TAOK3: variants seen among roughly 807,000 people sequenced by gnomAD.
TAOK3 encodes TAO kinase 3.
A neutral mutation model predicts 120.4 loss-of-function variants in TAOK3; 40 were observed. The observed-to-expected ratio is 0.33, with a 90% confidence interval of 0.26 to 0.43. The LOEUF (loss-of-function observed/expected upper bound fraction) is 0.43. Among genes scored for constraint, TAOK3 ranks in the 20% least tolerant of loss-of-function variants. TAOK3 has a pLI of 1.00. For missense variants in TAOK3, 821 were observed against 1,112.1 expected (o/e 0.74, Z 3.72); for synonymous variants, 355 against 387.5 (o/e 0.92, Z 0.99).
chr12:118,211,638 G>T, intron 11 of TAOK3, among the ~76,000 whole-genome samples: 1 of 144,732 alleles, frequency 6.9e-6, no homozygotes, highest in African/African-American at 2.5e-5. Flanking sequence ...TTAAAGAGAT[G>T]GTATTTTCAC....
intron 9 of TAOK3, among the ~76,000 whole-genome samples, chr12:118,225,835 C>T (rs1388583598): frequency 1.3e-5 from 2 of 152,138 alleles, no homozygotes; most frequent in Non-Finnish European, 2.9e-5. Flanking sequence ...ATCTGTCCAT[C>T]GCCTCATATA....
At chr12:118,215,644 A>G (rs2038864838) in intron 9 of TAOK3, among the ~76,000 whole-genome samples, 7 of 152,238 alleles carry the variant, frequency 4.6e-5, no homozygotes, top group Admixed American at 2.6e-4. Flanking sequence ...AGAAATGGAA[A>G]GGAGGAAGAG....
At chr12:118,198,063 C>T (rs2037822277) in intron 13 of TAOK3, among the ~76,000 whole-genome samples, 1 of 152,172 alleles carries the variant, frequency 6.6e-6, no homozygotes, top group South Asian at 2.1e-4. Flanking sequence ...TGTCTGACAT[C>T]TTTGCTTTCC....
At chr12:118,204,427 T>C (rs1040443676) in intron 11 of TAOK3, among the ~76,000 whole-genome samples, 2 of 152,120 alleles carry the variant, frequency 1.3e-5, no homozygotes, top group South Asian at 2.1e-4. Flanking sequence ...TAAAAAATAA[T>C]AGGGCCCTTG....
intron 13 of TAOK3, 171 bp downstream of exon 13, chr12:118,198,880 C>G (rs1045722311): frequency 9.3e-6 from 6 of 644,428 alleles, no homozygotes; most frequent in Non-Finnish European, 1.4e-5. Context: ...ACAGATGTAG[C>G]CTGTGTAGTC....
At chr12:118,179,524 C>T (rs1172058028) in intron 15 of TAOK3, among the ~76,000 whole-genome samples, 1 of 152,090 alleles carries the variant, frequency 6.6e-6, no homozygotes, top group Non-Finnish European at 1.5e-5. Context: ...GTGCAGCACA[C>T]CAACATGGCA....
At chr12:118,158,233 T>C (rs2138323093) in intron 19 of TAOK3, among the ~76,000 whole-genome samples, 1 of 152,354 alleles carries the variant, frequency 6.6e-6, no homozygotes, top group South Asian at 2.1e-4. Context: ...CAAATGTTGA[T>C]GTCTACCAGA....
intron 1 of TAOK3, among the ~76,000 whole-genome samples, chr12:118,301,913 G>T (rs1423166997): frequency 6.6e-6 from 1 of 151,740 alleles, no homozygotes; most frequent in Non-Finnish European, 1.5e-5. Flanking sequence ...AGTAAGAAAG[G>T]CTGGGGGTTA....
chr12:118,348,994 C>T (rs1040205822), intron 1 of TAOK3, among the ~76,000 whole-genome samples: 2 of 151,892 alleles, frequency 1.3e-5, no homozygotes, highest in Non-Finnish European at 2.9e-5. Context: ...GCGGTTCAAG[C>T]AATTCTCTTG....
At position 118,243,399 on chromosome 12, in the gene TAOK3, A is replaced by C; in HGVS notation, c.294+16T>G. ...AAAATGTAATAGTAAAAGATAATAG[A>C]GGTCCTTCGACTTACCCAAGCAGTG... On this transcript the variant is annotated intron_variant, in intron 5 of 20. Coordinates refer to ENST00000392533, the MANE Select transcript of TAOK3 (RefSeq NM_016281.4). The C allele has an allele frequency of 7.4e-7, 1 of 1,348,638 alleles. No homozygotes were observed. Among genetic ancestry groups the C allele is most frequent in the Non-Finnish European group, 1.0e-6 (1 of 959,092 alleles). 83.5% of individuals were successfully genotyped at this position (1,348,638 alleles called of 1,614,324 possible).
chr12:118,309,020 CT>C (rs1320534225), intron 1 of TAOK3, among the ~76,000 whole-genome samples: 1 of 150,118 alleles, frequency 6.7e-6, no homozygotes, highest in African/African-American at 2.4e-5. Context: ...TTTCTTTCCC[CT>C]CTTTGAATTA....
intron 9 of TAOK3, among the ~76,000 whole-genome samples, chr12:118,218,612 T>C (rs540888913): frequency 2.3e-3 from 347 of 152,280 alleles, no homozygotes; most frequent in Middle Eastern, 6.8e-3. Context: ...GTATAGACAT[T>C]TTCTTGTCAT....
chr12:118,367,634 A>T (rs1273030841), intron 1 of TAOK3, among the ~76,000 whole-genome samples: 1 of 152,218 alleles, frequency 6.6e-6, no homozygotes, highest in Non-Finnish European at 1.5e-5. Context: ...AAATTGTCAC[A>T]AATTAAATTC....
intron 1 of TAOK3, among the ~76,000 whole-genome samples, chr12:118,278,869 C>T (rs1248269640): frequency 2.6e-5 from 4 of 152,018 alleles, no homozygotes; most frequent in East Asian, 3.9e-4. Context: ...TGCAGTGGTG[C>T]GGTCTCGGCT....
chr12:118,315,718 A>G (rs144338662), intron 1 of TAOK3, among the ~76,000 whole-genome samples: 32 of 152,370 alleles, frequency 2.1e-4, no homozygotes, highest in African/African-American at 7.5e-4. Flanking sequence ...CCCCCCAAAA[A>G]GGAAAATCTA....
intron 9 of TAOK3, among the ~76,000 whole-genome samples, chr12:118,227,710 G>A (rs932230601): frequency 3.3e-5 from 5 of 152,166 alleles, no homozygotes; most frequent in African/African-American, 1.2e-4. Flanking sequence ...ATGTTACACA[G>A]TCCCAGGAGG....
intron 1 of TAOK3, among the ~76,000 whole-genome samples, chr12:118,305,125 G>T (rs1400076487): frequency 1.3e-5 from 2 of 152,120 alleles, no homozygotes; most frequent in African/African-American, 4.8e-5. Flanking sequence ...TTATTGTCAG[G>T]ATTTAATAAG....
chr12:118,199,666 G>A, intron 12 of TAOK3: 1 of 188,680 alleles, frequency 5.3e-6, no homozygotes, highest in Non-Finnish European at 1.1e-5. Flanking sequence ...ATACAGCAGT[G>A]GTCACTTGAA....
chr12:118,231,653 G>C (rs922572678), intron 9 of TAOK3, among the ~76,000 whole-genome samples: 1 of 152,158 alleles, frequency 6.6e-6, no homozygotes, highest in African/African-American at 2.4e-5. Flanking sequence ...GCCAGGCACA[G>C]TGGCTCATGC....
Sources: gnomAD v4.1 joint callset for allele counts (sites outside exome capture counted in the v4.1 genomes callset) on GRCh38, gnomAD v4.1.1 for gene constraint, MANE v1.5 for transcripts, NCBI Gene and HGNC (gene_info 2026-07-23, HGNC 2026-07-21) for gene names.